Variants in CCT2 observed in about 807,000 individuals in gnomAD.
The protein encoded by CCT2 is T-complex protein 1 subunit beta.
A neutral mutation model predicts 61.8 loss-of-function variants in CCT2; 18 were observed. The ratio of observed to expected loss-of-function variants is 0.29; its 90% CI spans 0.20 to 0.43. CCT2 has a LOEUF of 0.43. Ranked by LOEUF, CCT2 falls within the 20% of genes least tolerant of loss-of-function variation. CCT2 has a pLI of 1.00. For missense variants in CCT2, 556 were observed against 656.9 expected, an observed-to-expected ratio of 0.85 and a Z score of 1.68; for synonymous variants, 248 against 215.9, an observed-to-expected ratio of 1.15 and a Z score of -1.30.
At chr12:69,600,130 T>C in intron 15 of CCT2, 126 bp downstream of exon 15, 5 of 899,676 alleles carry the variant, frequency 5.6e-6, no homozygotes, top group Non-Finnish European at 8.1e-6. Flanking sequence ...ATGTAAGTTA[T>C]TTAAAATATC....
chr12:69,593,393 C>T (rs1461418201), intron 9 of CCT2, 117 bp from the exon 10 acceptor site: 5 of 686,626 alleles, frequency 7.3e-6, no homozygotes, highest in Non-Finnish European at 1.2e-5. Context: ...GAAATGCAAT[C>T]TTGTTCTAAT....
intron 12 of CCT2, 87 bp downstream of exon 12, chr12:69,597,853 T>C: frequency 7.1e-7 from 1 of 1,415,670 alleles, no homozygotes; most frequent in Non-Finnish European, 9.7e-7. Context: ...CTTACAGAAA[T>C]CTTATATTGC....
chr12:69,594,483 AGAAGTAT>A (rs1881930150), intron 10 of CCT2, among the ~76,000 whole-genome samples: 1 of 152,264 alleles, frequency 6.6e-6, no homozygotes, highest in East Asian at 1.9e-4. Context: ...ACCCTTTAAT[AGAAGTAT>A]GAGTGATATA....
chr12:69,586,115 G>A (rs1449523665), intron 1 of CCT2, 155 bp from the exon 2 acceptor site: 1 of 1,156,328 alleles, frequency 8.6e-7, no homozygotes, highest in South Asian at 1.6e-5. Flanking sequence ...CCACTTAAAT[G>A]CTTTCTCCGA....
intron 7 of CCT2, among the ~76,000 whole-genome samples, chr12:69,590,852 G>T (rs1881814700): frequency 6.6e-6 from 1 of 152,058 alleles, no homozygotes; most frequent in African/African-American, 2.4e-5. Flanking sequence ...GAGTAGGTGG[G>T]ATTACAGGCG....
chr12:69,585,700 C>T (rs758219946), intron 1 of CCT2, 176 bp downstream of exon 1: 23 of 1,497,318 alleles, frequency 1.5e-5, no homozygotes, highest in Non-Finnish European at 1.9e-5. Context: ...CGGTGGAGCT[C>T]ACCACGAGGG....
At chr12:69,591,077 TTAG>T (rs1251494653) in intron 7 of CCT2, among the ~76,000 whole-genome samples, 1 of 151,602 alleles carries the variant, frequency 6.6e-6, no homozygotes, top group Non-Finnish European at 1.5e-5. Flanking sequence ...AACAAGAATA[TTAG>T]TAGCACAAGC....
intron 4 of CCT2, 85 bp downstream of exon 4, chr12:69,587,701 C>A: frequency 1.2e-6 from 1 of 866,024 alleles, no homozygotes; most frequent in Non-Finnish European, 1.9e-6. Context: ...GCTGTGTTGA[C>A]CAATCGTACT....
At chr12:69,599,694 A>AT in intron 14 of CCT2, 169 bp from the exon 15 acceptor site, 1 of 478,930 alleles carries the variant, frequency 2.1e-6, no homozygotes, top group Non-Finnish European at 3.5e-6. Context: ...GCCCCTTTTA[A>AT]TTTTTTTAAA....
Position 69,589,588 on chromosome 12 carries a change from G to T in CCT2, c.550G>T (p.Val184Leu), listed in dbSNP as rs1881773399. The T allele has an allele frequency of 6.2e-7, 1 of 1,613,908 alleles. No individual in the cohort carries two copies. The highest frequency in any genetic ancestry group is 8.5e-7 in the Non-Finnish European group (1 of 1,179,912). ...HHKDHFTKLAVEAVLRLKGSG... is the reference protein window; with the variant it reads ...HHKDHFTKLALEAVLRLKGSG... ...CAAAGACCACTTTACAAAGTTAGCT[G>T]TAGAAGCAGTTCTCAGACTGAAAGG... The change falls in exon 7 of 16, where the codon GTA becomes TTA. Residue 184 changes from valine to leucine, a missense_variant. Physicochemically the swap from Val to Leu is conservative, Grantham distance 32 (BLOSUM62 1). Around this residue, in one of 3 missense-constraint regions of CCT2, gnomAD observed 308 missense variants for 350.6 expected, o/e 0.88. Transcript: ENST00000299300.
chr12:69,591,487 T>C (rs1881833485), intron 7 of CCT2, among the ~76,000 whole-genome samples: 1 of 151,474 alleles, frequency 6.6e-6, no homozygotes, highest in South Asian at 2.1e-4. Flanking sequence ...CCTCAATACC[T>C]GAATCTTCAA....
intron 10 of CCT2, among the ~76,000 whole-genome samples, chr12:69,594,157 G>C (rs1271400473): frequency 1.3e-5 from 2 of 151,812 alleles, no homozygotes; most frequent in African/African-American, 4.8e-5. Flanking sequence ...AAAAAGATAT[G>C]TATATTTTTT....
At chr12:69,586,975 A>G in intron 3 of CCT2, 157 bp downstream of exon 3, 1 of 514,802 alleles carries the variant, frequency 1.9e-6, no homozygotes, top group Non-Finnish European at 3.4e-6. Context: ...CCCCAGAATC[A>G]CCATCCCCAA....
intron 15 of CCT2, 24 bp from the exon 16 acceptor site, chr12:69,601,271 T>G: frequency 6.3e-7 from 1 of 1,577,520 alleles, no homozygotes; most frequent in Non-Finnish European, 8.6e-7. Flanking sequence ...TTTTTCACTA[T>G]TGACTTTTTT....
Position 69,592,991 on chromosome 12 carries a change from G to T in CCT2, c.766G>T (p.Val256Leu). Reference sequence around the variant, plus strand: ...TTTGTCTTAGATATTTGGTTCCCGGGTAAGAGTTGACTCTACAGCAAAGGT... The same window carrying T: ...TTTGTCTTAGATATTTGGTTCCCGGTTAAGAGTTGACTCTACAGCAAAGGT... The part of the protein sequence containing the change: ...TDKIKIFGSR[V>L]RVDSTAKVAE... Residue 256 changes from valine (V) to leucine (L), a missense_variant, in exon 9 of 16, where the codon GTA (valine) becomes TTA (leucine). This residue lies in a region of CCT2 where 308 missense variants were observed against 350.6 expected (regional missense o/e 0.88). Coordinates refer to ENST00000299300, the MANE Select transcript of CCT2 (RefSeq NM_006431.3). 1.9e-6 allele frequency: 3 copies of T among 1,612,880 alleles called. No individual in the cohort carries two copies. The highest frequency in any genetic ancestry group is 2.5e-6 in the Non-Finnish European group (3 of 1,179,626).
rs1593103404 is a variant in CCT2, at chr12:69,601,393, A to T, written c.*68A>T. ...AGTTGTGTTTGAAAGATACTCTATT[A>T]AAGAAGACTGTGGAATCTGTTTATC... is the stretch of plus-strand genomic sequence containing the variant. On this transcript the variant is annotated 3_prime_UTR_variant, in exon 16 of 16. Coordinates refer to ENST00000299300, the MANE Select transcript of CCT2 (RefSeq NM_006431.3). 6.2e-7 allele frequency: 1 copy of T among 1,613,648 alleles called. No homozygotes were observed. The highest frequency in any genetic ancestry group is 8.5e-7 in the Non-Finnish European group (1 of 1,179,802).
At chr12:69,587,044 T>C in intron 3 of CCT2, 1 of 425,994 alleles carries the variant, frequency 2.3e-6, no homozygotes, top group Middle Eastern at 6.2e-4. Context: ...TCTTCTAATA[T>C]TCTGTTTATG....
chr12:69,585,630 C>T (rs1593092803), intron 1 of CCT2, 106 bp downstream of exon 1: 1 of 1,545,744 alleles, frequency 6.5e-7, no homozygotes, highest in East Asian at 2.5e-5. Flanking sequence ...TTTCTGTCTC[C>T]CCGGCCCTCC....
At chr12:69,590,136 C>G (rs749751245) in intron 7 of CCT2, among the ~76,000 whole-genome samples, 1 of 152,090 alleles carries the variant, frequency 6.6e-6, no homozygotes, top group Non-Finnish European at 1.5e-5. Context: ...ATAGTCAGCC[C>G]TTTGTGTCCG....
Sources: allele counts gnomAD v4.1 joint callset (sites outside exome capture counted in the v4.1 genomes callset), GRCh38; gene constraint gnomAD v4.1.1; regional missense constraint gnomAD v4.1.1; transcripts MANE v1.5; gene names NCBI Gene and HGNC (gene_info 2026-07-23, HGNC 2026-07-21).